CSMD3: variants seen among roughly 807,000 people sequenced by gnomAD.
The protein encoded by CSMD3 is CUB and sushi domain-containing protein 3.
CSMD3 carries 177 observed loss-of-function variants against 435.2 expected under a neutral mutation model. The ratio of observed to expected loss-of-function variants is 0.41; its 90% CI spans 0.36 to 0.46. The LOEUF (loss-of-function observed/expected upper bound fraction) is 0.46. Among genes scored for constraint, CSMD3 ranks in the 20% least tolerant of loss-of-function variants. CSMD3 has a pLI of 0.34. For synonymous variants in CSMD3, 1,656 were observed against 1,520.5 expected (o/e 1.09, Z -2.07); for missense variants, 4,265 against 4,504.6 (o/e 0.95, Z 1.52).
At chr8:113,139,753 A>G (rs780209323) in intron 4 of CSMD3, among the ~76,000 whole-genome samples, 18 of 151,242 alleles carry the variant, frequency 1.2e-4, no homozygotes, top group Non-Finnish European at 2.2e-4. Context: ...CAAACAATAT[A>G]AAGAGATTGG....
intron 30 of CSMD3, 83 bp from the exon 31 acceptor site, chr8:112,492,766 T>G (rs1266865263): frequency 1.8e-6 from 2 of 1,085,164 alleles, no homozygotes; most frequent in Non-Finnish European, 2.9e-6. Flanking sequence ...ATCTGTGGAT[T>G]CAGCCAACTG....
intron 32 of CSMD3, among the ~76,000 whole-genome samples, chr8:112,434,286 C>T (rs1410797359): frequency 6.6e-6 from 1 of 152,068 alleles, no homozygotes; most frequent in Non-Finnish European, 1.5e-5. Context: ...TAATGCCTGG[C>T]ATAAGTTCAT....
chr8:113,254,716 C>A (rs2093365124), intron 3 of CSMD3, among the ~76,000 whole-genome samples: 1 of 151,826 alleles, frequency 6.6e-6, no homozygotes, highest in Non-Finnish European at 1.5e-5. Flanking sequence ...AAAATGGAGA[C>A]AACTTTCTAA....
chr8:112,778,094 TAAAC>T (rs2078289883), intron 13 of CSMD3, among the ~76,000 whole-genome samples: 2 of 151,946 alleles, frequency 1.3e-5, no homozygotes, highest in Admixed American at 1.3e-4. Context: ...GCAGCAAAAT[TAAAC>T]AGGAAGTACA....
intron 32 of CSMD3, among the ~76,000 whole-genome samples, chr8:112,444,280 C>T (rs1354928548): frequency 6.6e-6 from 1 of 152,198 alleles, no homozygotes; most frequent in East Asian, 1.9e-4. Flanking sequence ...TGGTTAACCA[C>T]TTTGGGAAAC....
chr8:112,244,602 T>C, intron 64 of CSMD3, 29 bp from the exon 65 acceptor site: 1 of 1,603,706 alleles, frequency 6.2e-7, no homozygotes, highest in Non-Finnish European at 8.5e-7. Flanking sequence ...ACAATGTAAA[T>C]TTTCTATAGA....
chr8:112,643,840 G>C (rs977893161), intron 20 of CSMD3, among the ~76,000 whole-genome samples: 22 of 151,978 alleles, frequency 1.4e-4, no homozygotes, highest in African/African-American at 5.3e-4. Context: ...AACTAGTCCT[G>C]ACATAATTCT....
chr8:112,388,315 C>G (rs916407537), intron 36 of CSMD3, among the ~76,000 whole-genome samples: 2 of 152,116 alleles, frequency 1.3e-5, no homozygotes, highest in African/African-American at 2.4e-5. Context: ...TAGATTTTTA[C>G]TTTCAGATGG....
At chr8:113,194,430 T>G (rs1300808184) in intron 3 of CSMD3, among the ~76,000 whole-genome samples, 1 of 151,304 alleles carries the variant, frequency 6.6e-6, no homozygotes, top group Non-Finnish European at 1.5e-5. Context: ...CACAGAGGAT[T>G]TTTAGACCAG....
chr8:112,444,609 A>T (rs1815394225), intron 32 of CSMD3, among the ~76,000 whole-genome samples: 1 of 152,222 alleles, frequency 6.6e-6, no homozygotes, highest in Non-Finnish European at 1.5e-5. Flanking sequence ...AGGCAAACAA[A>T]ATAGTGCATA....
At chr8:112,363,459 A>G (rs184249123) in intron 38 of CSMD3, among the ~76,000 whole-genome samples, 1 of 152,076 alleles carries the variant, frequency 6.6e-6, no homozygotes, top group East Asian at 1.9e-4. Flanking sequence ...AAAGCACCAC[A>G]AATTTAAGCA....
intron 13 of CSMD3, among the ~76,000 whole-genome samples, chr8:112,753,699 A>G (rs1166490920): frequency 2.0e-5 from 3 of 152,198 alleles, no homozygotes; most frequent in Non-Finnish European, 2.9e-5. Context: ...GAACTGTTAA[A>G]TTCCTGTTAG....
intron 13 of CSMD3, among the ~76,000 whole-genome samples, chr8:112,698,210 A>G (rs2076302527): frequency 6.6e-6 from 1 of 152,196 alleles, no homozygotes; most frequent in African/African-American, 2.4e-5. Flanking sequence ...ACTAACAAAA[A>G]AGAGCATTTA....
intron 17 of CSMD3, among the ~76,000 whole-genome samples, chr8:112,663,379 C>T (rs1026751535): frequency 5.3e-5 from 8 of 150,876 alleles, no homozygotes; most frequent in African/African-American, 1.7e-4. Flanking sequence ...AGCAAACTAT[C>T]GCGAGGACAA....
At chr8:112,966,197 A>G (rs922242336) in intron 7 of CSMD3, among the ~76,000 whole-genome samples, 1 of 151,744 alleles carries the variant, frequency 6.6e-6, no homozygotes, top group Non-Finnish European at 1.5e-5. Flanking sequence ...AATGAATAAA[A>G]TTAAGTAATT....
At chr8:112,568,908 C>T (rs1829280473) in intron 24 of CSMD3, among the ~76,000 whole-genome samples, 1 of 152,130 alleles carries the variant, frequency 6.6e-6, no homozygotes, top group African/African-American at 2.4e-5. Context: ...TCAATATCTC[C>T]CTTCTTCCTT....
At chr8:112,874,808 T>C (rs563845607) in intron 10 of CSMD3, among the ~76,000 whole-genome samples, 1 of 152,310 alleles carries the variant, frequency 6.6e-6, no homozygotes, top group East Asian at 1.9e-4. Context: ...AGCCTATGTA[T>C]ATCTTTGCAC....
intron 1 of CSMD3, among the ~76,000 whole-genome samples, chr8:113,326,547 T>C (rs1431971433): frequency 1.3e-5 from 2 of 152,154 alleles, no homozygotes; most frequent in African/African-American, 2.4e-5. Flanking sequence ...ATTAAATCTC[T>C]ACAATAAGCT....
intron 3 of CSMD3, among the ~76,000 whole-genome samples, chr8:113,250,285 G>T (rs536867122): frequency 1.3e-3 from 193 of 152,130 alleles, no homozygotes; most frequent in Non-Finnish European, 2.2e-3. Flanking sequence ...AAATAAAGGA[G>T]TTCATATTAT....
Sources: gnomAD v4.1 joint callset for allele counts (sites outside exome capture counted in the v4.1 genomes callset) on GRCh38, gnomAD v4.1.1 for gene constraint, MANE v1.5 for transcripts, NCBI Gene and HGNC (gene_info 2026-07-23, HGNC 2026-07-21) for gene names.